UNC79: variants seen among roughly 807,000 people sequenced by gnomAD.
UNC79 encodes the protein protein unc-79 homolog.
A neutral mutation model predicts 283.1 loss-of-function variants in UNC79; 37 were observed. The ratio of observed to expected loss-of-function variants is 0.13; its 90% CI spans 0.10 to 0.17. The LOEUF (loss-of-function observed/expected upper bound fraction) is 0.17. UNC79 is among the 10% of genes least tolerant of loss of function. The pLI is 1.00. For synonymous variants in UNC79, 1,107 were observed against 1,200.2 expected, an observed-to-expected ratio of 0.92 and a Z score of 1.61; for missense variants, 2,272 against 3,211.1, an observed-to-expected ratio of 0.71 and a Z score of 7.07.
chr14:93,347,944 G>GT (rs758579578), intron 1 of UNC79: 108 of 822,660 alleles, frequency 1.3e-4, no homozygotes, highest in East Asian at 4.9e-4. Context: ...TGCTCAAAAT[G>GT]TTTTTTTTAA....
intron 1 of UNC79, among the ~76,000 whole-genome samples, chr14:93,437,727 G>T (rs146514420): frequency 6.6e-6 from 1 of 152,198 alleles, no homozygotes; most frequent in East Asian, 1.9e-4. Flanking sequence ...GGGGGTTTCT[G>T]GCAATCTTTG....
intron 24 of UNC79, among the ~76,000 whole-genome samples, chr14:93,598,975 A>C (rs1040213872): frequency 6.6e-6 from 1 of 152,220 alleles, no homozygotes; most frequent in Non-Finnish European, 1.5e-5. Flanking sequence ...TTTAGTGGAG[A>C]CACCAAGTCT....
chr14:93,662,295 C>A (rs1009399838), intron 39 of UNC79, among the ~76,000 whole-genome samples: 1 of 152,092 alleles, frequency 6.6e-6, no homozygotes, highest in Non-Finnish European at 1.5e-5. Context: ...CTGCAAACCC[C>A]ACACTCTTGA....
At chr14:93,633,257 A>T (rs1188121320) in intron 31 of UNC79, among the ~76,000 whole-genome samples, 1 of 152,218 alleles carries the variant, frequency 6.6e-6, no homozygotes, top group Non-Finnish European at 1.5e-5. Context: ...GAGTTAGGTT[A>T]ATATTGACTT....
chr14:93,408,481 A>G (rs928548709), intron 1 of UNC79, among the ~76,000 whole-genome samples: 14 of 152,178 alleles, frequency 9.2e-5, no homozygotes, highest in African/African-American at 3.4e-4. Flanking sequence ...TCACCTGAGC[A>G]CAGGAGTTCA....
intron 12 of UNC79, among the ~76,000 whole-genome samples, chr14:93,538,702 A>G (rs996967165): frequency 6.6e-6 from 1 of 151,092 alleles, no homozygotes; most frequent in East Asian, 2.0e-4. Flanking sequence ...GACAACTCCA[A>G]GTAATTCCAT....
At chr14:93,493,544 G>T (rs773429238) in intron 5 of UNC79, among the ~76,000 whole-genome samples, 1 of 152,250 alleles carries the variant, frequency 6.6e-6, no homozygotes, top group South Asian at 2.1e-4. Flanking sequence ...TGAAACTGAA[G>T]AATAAGCAGA....
intron 1 of UNC79, among the ~76,000 whole-genome samples, chr14:93,442,388 CCTTT>C (rs1470860514): frequency 2.6e-5 from 4 of 151,888 alleles, no homozygotes; most frequent in African/African-American, 9.7e-5. Flanking sequence ...AAAATCTCTT[CCTTT>C]ATTTCTTTTA....
chr14:93,412,602 A>G (rs1183889213), intron 1 of UNC79, among the ~76,000 whole-genome samples: 1 of 152,118 alleles, frequency 6.6e-6, no homozygotes, highest in East Asian at 1.9e-4. Context: ...GTTTGATTAT[A>G]AAATGCCTTG....
intron 34 of UNC79, among the ~76,000 whole-genome samples, chr14:93,645,340 A>T (rs781616997): frequency 4.6e-5 from 7 of 152,332 alleles, no homozygotes; most frequent in Non-Finnish European, 8.8e-5. Context: ...TTACATATTT[A>T]CATACACATA....
chr14:93,547,006 A>G (rs1473509779), intron 14 of UNC79, among the ~76,000 whole-genome samples: 1 of 152,234 alleles, frequency 6.6e-6, no homozygotes, highest in Non-Finnish European at 1.5e-5. Flanking sequence ...TCTGAATGAC[A>G]AAAGGCTTAA....
intron 1 of UNC79, among the ~76,000 whole-genome samples, chr14:93,433,855 T>C (rs1270313593): frequency 6.6e-6 from 1 of 152,166 alleles, no homozygotes; most frequent in Non-Finnish European, 1.5e-5. Context: ...ATCACAGAGA[T>C]ATGAAAAATG....
At chr14:93,341,835 C>A (rs1369211256) in intron 1 of UNC79, among the ~76,000 whole-genome samples, 1 of 152,144 alleles carries the variant, frequency 6.6e-6, no homozygotes, top group Admixed American at 6.5e-5. Context: ...CTTAAAGCTC[C>A]AAAATAATCT....
At chr14:93,582,558 G>A (rs1411342101) in intron 20 of UNC79, among the ~76,000 whole-genome samples, 2 of 152,088 alleles carry the variant, frequency 1.3e-5, no homozygotes, top group African/African-American at 2.4e-5. Flanking sequence ...TTCTGGCAGC[G>A]GGCACCGGTT....
chr14:93,515,118 A>T (rs1481423397), intron 7 of UNC79, among the ~76,000 whole-genome samples: 1 of 151,952 alleles, frequency 6.6e-6, no homozygotes, highest in East Asian at 1.9e-4. Context: ...CTGTTCTCAA[A>T]TTCTTGATCC....
At chr14:93,631,404 T>C (rs1369079164) in intron 31 of UNC79, among the ~76,000 whole-genome samples, 1 of 152,106 alleles carries the variant, frequency 6.6e-6, no homozygotes, top group Non-Finnish European at 1.5e-5. Flanking sequence ...AGAGTGGAAA[T>C]GGCACGACAT....
At chr14:93,672,400 A>G (rs974853891) in intron 40 of UNC79, among the ~76,000 whole-genome samples, 2 of 152,220 alleles carry the variant, frequency 1.3e-5, no homozygotes, top group African/African-American at 4.8e-5. Context: ...GTTAAGTGAA[A>G]TAATCCAGGC....
At chr14:93,376,733 G>A (rs531713704) in intron 1 of UNC79, among the ~76,000 whole-genome samples, 2 of 151,870 alleles carry the variant, frequency 1.3e-5, no homozygotes, top group Non-Finnish European at 1.5e-5. Context: ...TGATAAATTC[G>A]GTTTTTGTGA....
chr14:93,454,663 G>A (rs1025645981), intron 1 of UNC79, among the ~76,000 whole-genome samples: 1 of 152,110 alleles, frequency 6.6e-6, no homozygotes, highest in Non-Finnish European at 1.5e-5. Context: ...TAAACATTCA[G>A]AATTTAGAAT....
Sources: allele counts gnomAD v4.1 joint callset (sites outside exome capture counted in the v4.1 genomes callset), GRCh38; gene constraint gnomAD v4.1.1; transcripts MANE v1.5; gene names NCBI Gene and HGNC (gene_info 2026-07-23, HGNC 2026-07-21).